The following RBMS3 variants were observed in gnomAD, a reference collection of about 807,000 sequenced individuals.
RBMS3 encodes RNA-binding motif, single-stranded-interacting protein 3.
Under a neutral mutation model 66.8 loss-of-function variants are expected in RBMS3, and 27 were observed. That is an observed-to-expected ratio of 0.40 (90% CI 0.30 to 0.56). The LOEUF (loss-of-function observed/expected upper bound fraction) is 0.56, where lower values mean the gene tolerates loss of function less well. RBMS3 is among the 20% of genes least tolerant of loss of function. The probability of loss-of-function intolerance (pLI) is 0.40; values close to 1 mark genes in which losing one functional copy is unlikely to be tolerated. For missense variants in RBMS3, 513 were observed against 549.5 expected (o/e 0.93, Z 0.66); for synonymous variants, 188 against 183.0 (o/e 1.03, Z -0.22).
rs1699924077 is a variant in RBMS3 at position 30,010,184 on chromosome 3, T to C, written c.*6322T>C. The C allele has an allele frequency of 6.6e-6, 1 of 152,200 alleles. No homozygotes were observed. The highest frequency in any genetic ancestry group is 1.5e-5 in the Non-Finnish European group (1 of 68,032). The allele number at this position is 152,200 out of a possible 1,614,324, so 9.4% of individuals were successfully genotyped here. Reference sequence around the variant, plus strand: ...TTTTGAACTTTATTTAAGAGCATTTTTGTACTGCTGTCTCTGACTGTCATG... The same window carrying C: ...TTTTGAACTTTATTTAAGAGCATTTCTGTACTGCTGTCTCTGACTGTCATG... On this transcript the variant is annotated 3_prime_UTR_variant, in exon 15 of 15. Transcript: ENST00000383767.
intron 3 of RBMS3, among the ~76,000 whole-genome samples, chr3:29,578,124 T>C (rs923252926): frequency 1.3e-5 from 2 of 152,218 alleles, no homozygotes; most frequent in African/African-American, 2.4e-5. Context: ...CTTTTATAAC[T>C]CTATAAACCT....
intron 5 of RBMS3, among the ~76,000 whole-genome samples, chr3:29,741,234 C>G (rs572032891): frequency 3.9e-5 from 6 of 152,236 alleles, no homozygotes; most frequent in Admixed American, 3.3e-4. Flanking sequence ...ATGCAAGGTA[C>G]ATGCTTGATG....
chr3:29,325,593 T>C (rs1559489402), intron 1 of RBMS3, among the ~76,000 whole-genome samples: 1 of 146,622 alleles, frequency 6.8e-6, no homozygotes, highest in East Asian at 2.0e-4. Flanking sequence ...TATGTATATA[T>C]ATACGTGTGT....
intron 6 of RBMS3, among the ~76,000 whole-genome samples, chr3:29,825,725 G>A (rs991530659): frequency 7.9e-5 from 12 of 152,146 alleles, no homozygotes; most frequent in Non-Finnish European, 1.5e-4. Flanking sequence ...TTTATTAGCA[G>A]TGTGAGAACA....
intron 4 of RBMS3, among the ~76,000 whole-genome samples, chr3:29,658,122 T>C (rs1192381959): frequency 6.6e-6 from 1 of 152,202 alleles, no homozygotes; most frequent in Non-Finnish European, 1.5e-5. Flanking sequence ...TTTCCTGTTT[T>C]GTAAAGGGAA....
In RBMS3 at chr3:30,009,647, T is replaced by C. The variant is rs1397902023; in HGVS notation, c.*5785T>C. 1.3e-5 allele frequency: 2 copies of C among 152,188 alleles called. No homozygotes were observed. The allele number at this position is 152,188 out of a possible 1,614,324, so 9.4% of individuals were successfully genotyped here. ...AACGGTAGCTCTTGGTACAGTCATATTCATATTTTTAAATCTTTCTTTGAC... is the reference window on the plus strand; with the variant it reads ...AACGGTAGCTCTTGGTACAGTCATACTCATATTTTTAAATCTTTCTTTGAC... On this transcript the variant is annotated 3_prime_UTR_variant, in exon 15 of 15. Coordinates refer to ENST00000383767, the MANE Select transcript of RBMS3 (RefSeq NM_001003793.3).
At chr3:29,674,803 A>G (rs1327366815) in intron 4 of RBMS3, among the ~76,000 whole-genome samples, 1 of 151,982 alleles carries the variant, frequency 6.6e-6, no homozygotes, top group Non-Finnish European at 1.5e-5. Context: ...AGGAAGAATC[A>G]ATATTGTGAA....
chr3:29,984,655 A>G (rs552396743), intron 12 of RBMS3, among the ~76,000 whole-genome samples: 8 of 152,178 alleles, frequency 5.3e-5, no homozygotes, highest in African/African-American at 1.9e-4. Context: ...TTTTCCTTCT[A>G]ACAGTCAAGC....
chr3:29,404,268 A>T (rs2039925904), intron 1 of RBMS3, among the ~76,000 whole-genome samples: 1 of 152,114 alleles, frequency 6.6e-6, no homozygotes, highest in Non-Finnish European at 1.5e-5. Flanking sequence ...TCACACTGAG[A>T]TCACTGATTT....
intron 10 of RBMS3, among the ~76,000 whole-genome samples, chr3:29,910,971 TAGAA>T (rs1328917099): frequency 6.6e-6 from 1 of 152,076 alleles, no homozygotes; most frequent in Non-Finnish European, 1.5e-5. Flanking sequence ...CTCCCTGTTT[TAGAA>T]CAATTGGTTT....
rs777331613 is a variant in RBMS3, at chr3:29,884,422, T to TTTTCTCTCTC, written c.791+215_791+216insTTCTCTCTCT. Reference sequence around the variant, plus strand: ...ATGCCTCTGCCCACATTAAACCCTGTTCTCTCTCTCTCTCTCTCTCTCTCT... The same window carrying TTTTCTCTCTC: ...ATGCCTCTGCCCACATTAAACCCTGTTTTCTCTCTCTCTCTCTCTCTCTCTCTCTCTCTCT... On this transcript the variant is annotated intron_variant, in intron 8 of 14. Transcript: ENST00000383767. 3.8e-3 allele frequency among the ~76,000 whole-genome samples: 158 copies of TTTTCTCTCTC among 41,862 alleles called. 10 individuals carry two copies. Among genetic ancestry groups the TTTTCTCTCTC allele is most frequent in the African/African-American group, 0.016 (156 of 9,670 alleles). 27.5% of individuals were successfully genotyped at this position (41,862 alleles called of 152,430 possible).
intron 4 of RBMS3, among the ~76,000 whole-genome samples, chr3:29,715,103 T>C (rs573414444): frequency 2.0e-5 from 3 of 152,188 alleles, no homozygotes; most frequent in Non-Finnish European, 4.4e-5. Context: ...TTTGAAATTA[T>C]GGTTTGAAGA....
intron 4 of RBMS3, among the ~76,000 whole-genome samples, chr3:29,696,566 G>A (rs2052286981): frequency 6.6e-6 from 1 of 152,210 alleles, no homozygotes; most frequent in South Asian, 2.1e-4. Flanking sequence ...CTGTCTCATA[G>A]ATGACTGCTG....
chr3:29,825,925 C>T (rs1365659031), intron 6 of RBMS3, among the ~76,000 whole-genome samples: 1 of 152,144 alleles, frequency 6.6e-6, no homozygotes, highest in Non-Finnish European at 1.5e-5. Context: ...GTTTAGAAAG[C>T]ACTACGTCTT....
chr3:29,483,369 T>G (rs770966090), intron 2 of RBMS3, among the ~76,000 whole-genome samples: 1 of 151,942 alleles, frequency 6.6e-6, no homozygotes, highest in Non-Finnish European at 1.5e-5. Flanking sequence ...TCTGGAGTAT[T>G]GCAAATAACA....
intron 7 of RBMS3, among the ~76,000 whole-genome samples, chr3:29,877,804 A>C (rs1458838005): frequency 1.3e-5 from 2 of 152,168 alleles, no homozygotes; most frequent in Admixed American, 6.5e-5. Flanking sequence ...TGATCTGCTC[A>C]TATCCCCTTT....
At chr3:29,625,930 A>G (rs2049047777) in intron 4 of RBMS3, among the ~76,000 whole-genome samples, 1 of 152,160 alleles carries the variant, frequency 6.6e-6, no homozygotes, top group Admixed American at 6.6e-5. Flanking sequence ...GAAGACGGCC[A>G]TCCTGGGGAT....
At chr3:29,790,346 T>C (rs2056964374) in intron 6 of RBMS3, among the ~76,000 whole-genome samples, 1 of 152,202 alleles carries the variant, frequency 6.6e-6, no homozygotes. Flanking sequence ...AGGCGTCTTT[T>C]GTAAAGTATA....
chr3:29,702,396 C>T (rs1299826425), intron 4 of RBMS3, among the ~76,000 whole-genome samples: 1 of 152,158 alleles, frequency 6.6e-6, no homozygotes, highest in African/African-American at 2.4e-5. Flanking sequence ...CCAATCAGGT[C>T]TCTGTAAAAT....
Sources: allele counts gnomAD v4.1 joint callset (sites outside exome capture counted in the v4.1 genomes callset), GRCh38; gene constraint gnomAD v4.1.1; transcripts MANE v1.5; gene names NCBI Gene and HGNC (gene_info 2026-07-23, HGNC 2026-07-21).